NAA38: variants seen among roughly 807,000 people sequenced by gnomAD.
NAA38 encodes the protein LSM domain containing 1.
Under a neutral mutation model 12.6 loss-of-function variants are expected in NAA38, and 15 were observed. The observed-to-expected ratio is 1.19, with a 90% confidence interval of 0.79 to 1.83. NAA38 has a LOEUF of 1.83. Ranked by LOEUF, NAA38 falls within the 40% of genes most tolerant of loss-of-function variation. The pLI is 0.00. For synonymous variants in NAA38, 88 were observed against 69.9 expected (o/e 1.26, Z -1.29); for missense variants, 183 against 171.7 (o/e 1.07, Z -0.37).
At chr17:7,880,060 G>T (rs1967244850) in intron 2 of NAA38, among the ~76,000 whole-genome samples, 1 of 152,062 alleles carries the variant, frequency 6.6e-6, no homozygotes, top group Non-Finnish European at 1.5e-5. Flanking sequence ...AAAAAATAAG[G>T]TAAGAAGGAA....
chr17:7,858,632 C>T (rs780854005), upstream of NAA38: 3 of 1,604,766 alleles, frequency 1.9e-6, no homozygotes, highest in Non-Finnish European at 2.6e-6. Flanking sequence ...ATCCGCTGAC[C>T]GGCTGCCTGA....
intron 2 of NAA38, 78 bp downstream of exon 2, chr17:7,856,937 G>A: frequency 1.9e-6 from 3 of 1,590,326 alleles, no homozygotes; most frequent in Non-Finnish European, 2.6e-6. Flanking sequence ...AAGGGTTGCA[G>A]CCAGGCCCTT....
intron 2 of NAA38, among the ~76,000 whole-genome samples, chr17:7,873,550 T>C (rs887914775): frequency 6.6e-6 from 1 of 152,164 alleles, no homozygotes; most frequent in Admixed American, 6.6e-5. Context: ...AGAGTATTTC[T>C]TTCAAAGATA....
intron 3 of NAA38, chr17:7,865,795 G>C (rs1019221487): frequency 6.6e-6 from 1 of 152,190 alleles, no homozygotes; most frequent in Non-Finnish European, 1.5e-5. Context: ...CCCAGTCTAG[G>C]GTGGAGTGGA....
chr17:7,885,248 G>A (rs1333096537), upstream of NAA38: 1 of 531,246 alleles, frequency 1.9e-6, no homozygotes, highest in African/African-American at 2.1e-5. Context: ...GGTCGGGGCG[G>A]GCGGTGGCGG....
At chr17:7,857,861 C>A, upstream of NAA38, 1 of 1,381,056 alleles carries the variant, frequency 7.2e-7, no homozygotes, top group East Asian at 2.8e-5. Context: ...CTGCCCCACC[C>A]CGCAACTCCT....
chr17:7,856,719 G>A lies in NAA38; in HGVS notation c.*12C>T, dbSNP rs769359475. ...AAGTTTAATGAAGTCTGAAAGGTAAGCGCCATCGTGGTCAGAGATACGGAG... is the reference window on the plus strand; with the variant it reads ...AAGTTTAATGAAGTCTGAAAGGTAAACGCCATCGTGGTCAGAGATACGGAG... On this transcript the variant is annotated 3_prime_UTR_variant, in exon 3 of 3. Transcript: ENST00000575771. The A allele has an allele frequency of 6.2e-7, 1 of 1,604,158 alleles. No homozygotes were observed. The highest frequency in any genetic ancestry group is 8.5e-7 in the Non-Finnish European group (1 of 1,171,108).
intron 3 of NAA38, chr17:7,864,485 C>T (rs1240657296): frequency 2.0e-5 from 3 of 152,280 alleles, no homozygotes; most frequent in South Asian, 2.1e-4. Context: ...TTTGTAGAGA[C>T]AGGGTCTTCC....
upstream of NAA38, chr17:7,859,256 T>A (rs141914122): frequency 2.8e-6 from 2 of 720,362 alleles, no homozygotes; most frequent in East Asian, 2.7e-5. Context: ...GAGTTTCAGC[T>A]TTTTTTTCCC....
intron 3 of NAA38, chr17:7,865,741 A>G (rs569705992): frequency 6.6e-6 from 1 of 152,322 alleles, no homozygotes; most frequent in East Asian, 1.9e-4. Context: ...TTTAGAAAAT[A>G]CAATCCACCA....
intron 1 of NAA38, among the ~76,000 whole-genome samples, chr17:7,884,484 A>G (rs1402606293): frequency 7.0e-6 from 1 of 143,274 alleles, no homozygotes; most frequent in East Asian, 2.1e-4. Flanking sequence ...ATATGTATAT[A>G]TATATATATT....
chr17:7,879,286 G>T (rs556446564), intron 2 of NAA38, among the ~76,000 whole-genome samples: 126 of 152,244 alleles, frequency 8.3e-4, no homozygotes, highest in Admixed American at 6.1e-3. Flanking sequence ...ATCATAGATT[G>T]CAAGTGTTTT....
At chr17:7,860,395 G>A (rs1567813994), upstream of NAA38, 1 of 152,146 alleles carries the variant, frequency 6.6e-6, no homozygotes, top group African/African-American at 2.4e-5. Flanking sequence ...TGATCCTCTT[G>A]CCTCAGCCTC....
At chr17:7,859,638 C>T, upstream of NAA38, 1 of 1,603,878 alleles carries the variant, frequency 6.2e-7, no homozygotes, top group Non-Finnish European at 8.5e-7. Flanking sequence ...CTCGTGTAGA[C>T]TCAAGACGTA....
At chr17:7,873,734 G>T (rs1242849388) in intron 2 of NAA38, among the ~76,000 whole-genome samples, 1 of 152,160 alleles carries the variant, frequency 6.6e-6, no homozygotes, top group Non-Finnish European at 1.5e-5. Context: ...AGGATAAAAG[G>T]ACAAATATGG....
At chr17:7,878,477 T>C (rs1053673327) in intron 2 of NAA38, among the ~76,000 whole-genome samples, 1 of 152,108 alleles carries the variant, frequency 6.6e-6, no homozygotes, top group Non-Finnish European at 1.5e-5. Context: ...ATCTCAGCAC[T>C]GTGGGAGGCC....
intron 2 of NAA38, among the ~76,000 whole-genome samples, chr17:7,871,040 C>T (rs1967077422): frequency 6.6e-6 from 1 of 152,130 alleles, no homozygotes; most frequent in South Asian, 2.1e-4. Context: ...AATTATTTTT[C>T]TAAAAAGATG....
At chr17:7,880,042 AAAGG>A (rs2151392811) in intron 2 of NAA38, among the ~76,000 whole-genome samples, 1 of 152,290 alleles carries the variant, frequency 6.6e-6, no homozygotes, top group South Asian at 2.1e-4. Flanking sequence ...GAAGACAGAT[AAAGG>A]AAGAAAAAAT....
At chr17:7,861,289 G>A (rs1312643997), upstream of NAA38, 2 of 152,290 alleles carry the variant, frequency 1.3e-5, no homozygotes, top group East Asian at 1.9e-4. Flanking sequence ...ATTTTCTGAG[G>A]GGCTTTGGGA....
Sources: gnomAD v4.1 joint callset for allele counts (sites outside exome capture counted in the v4.1 genomes callset) on GRCh38, gnomAD v4.1.1 for gene constraint, MANE v1.5 for transcripts, NCBI Gene and HGNC (gene_info 2026-07-23, HGNC 2026-07-21) for gene names.